AGPAT4: variants seen among roughly 807,000 people sequenced by gnomAD.
AGPAT4 encodes the protein 1-acylglycerol-3-phosphate O-acyltransferase 4, also known as 1-acyl-sn-glycerol-3-phosphate acyltransferase delta.
AGPAT4 carries 15 observed loss-of-function variants against 48.0 expected under a neutral mutation model. The observed-to-expected ratio is 0.31, with a 90% confidence interval of 0.21 to 0.48. AGPAT4 has a LOEUF of 0.48. Ranked by LOEUF, AGPAT4 falls within the 20% of genes least tolerant of loss-of-function variation. The pLI is 0.99. For missense variants in AGPAT4, 314 were observed against 482.5 expected, an observed-to-expected ratio of 0.65 and a Z score of 3.27; for synonymous variants, 178 against 198.7, an observed-to-expected ratio of 0.90 and a Z score of 0.88.
intron 2 of AGPAT4, among the ~76,000 whole-genome samples, chr6:161,181,276 G>A (rs561768153): frequency 1.6e-4 from 24 of 152,278 alleles, no homozygotes; most frequent in African/African-American, 5.5e-4. Flanking sequence ...ATTGCTGAGG[G>A]AGGCGGGCTG....
At chr6:161,237,221 T>A (rs1040177452) in intron 1 of AGPAT4, among the ~76,000 whole-genome samples, 5 of 152,198 alleles carry the variant, frequency 3.3e-5, no homozygotes, top group African/African-American at 1.2e-4. Flanking sequence ...TAATCCAAAT[T>A]ACCTTTATTT....
At position 161,195,351 on chromosome 6, in the gene AGPAT4, C is replaced by G. The variant is rs993830653; in HGVS notation, c.179-28934G>C. ...AAAGTAATTATTCAGAGAAGACAAG[C>G]ACTGCAGGACAACCATTGGGCGGGT... On this transcript the variant is annotated intron_variant, in intron 2 of 8. Transcript: ENST00000320285. The surrounding 1 kb of genome is among the most constrained non-coding windows in gnomAD (Gnocchi z 5.0). Among the ~76,000 whole-genome samples the G allele has an allele frequency of 3.3e-5, 5 of 152,182 alleles. No individual in the cohort carries two copies. The highest frequency in any genetic ancestry group is 6.5e-5 in the Admixed American group (1 of 15,272).
Position 161,220,862 on chromosome 6 carries a change from C to T in AGPAT4, c.178+11174G>A, listed in dbSNP as rs1781816262. ...GCAGTGGTGCAATCTCGGCTCACTG[C>T]AACTTCTGCCTCCCGGGTTCAAGCA... is the stretch of plus-strand genomic sequence containing the variant. On this transcript the variant is annotated intron_variant, in intron 2 of 8. Coordinates refer to ENST00000320285, the MANE Select transcript of AGPAT4 (RefSeq NM_020133.3). This position sits in a 1 kb window ranked among gnomAD's most constrained non-coding sequence, Gnocchi z 6.0. Among the ~76,000 whole-genome samples the T allele has an allele frequency of 6.6e-6, 1 of 152,282 alleles. No individual in the cohort carries two copies. Among genetic ancestry groups the T allele is most frequent in the East Asian group, 1.9e-4 (1 of 5,174 alleles).
chr6:161,228,574 C>T (rs1325945417), intron 2 of AGPAT4, among the ~76,000 whole-genome samples: 3 of 109,414 alleles, frequency 2.7e-5, no homozygotes, highest in Non-Finnish European at 5.4e-5. Context: ...CCACCCCCTG[C>T]CTTTTTTTTT....
chr6:161,253,732 CAA>C (rs1264884095), intron 1 of AGPAT4, among the ~76,000 whole-genome samples: 1 of 152,124 alleles, frequency 6.6e-6, no homozygotes, highest in African/African-American at 2.4e-5. Flanking sequence ...TATTCACAAA[CAA>C]TGTGCAATTT....
In AGPAT4 at chr6:161,234,399, C is replaced by T. The variant is rs936312377; in HGVS notation, c.-89-2097G>A. Reference sequence around the variant, plus strand: ...CTCCACTCTCTGGCACAAATCCAGGCCCTGCAGGGTCTGAATCATCACATC... The same window carrying T: ...CTCCACTCTCTGGCACAAATCCAGGTCCTGCAGGGTCTGAATCATCACATC... On this transcript the variant is annotated intron_variant, in intron 1 of 8. Transcript: ENST00000320285. This position sits in a 1 kb window ranked among gnomAD's most constrained non-coding sequence, Gnocchi z 4.4. Among the ~76,000 whole-genome samples the T allele has an allele frequency of 6.6e-6, 1 of 152,142 alleles. No homozygotes were observed. The highest frequency in any genetic ancestry group is 1.9e-4 in the East Asian group (1 of 5,188).
In AGPAT4 at chr6:161,155,188, G is replaced by C. The variant is rs1027119829; in HGVS notation, c.349-878C>G. Among the ~76,000 whole-genome samples the C allele has an allele frequency of 6.6e-6, 1 of 152,194 alleles. No homozygotes were observed. Among genetic ancestry groups the C allele is most frequent in the African/African-American group, 2.4e-5 (1 of 41,446 alleles). On this transcript the variant is annotated intron_variant, in intron 3 of 8. Transcript: ENST00000320285. This position sits in a 1 kb window ranked among gnomAD's most constrained non-coding sequence, Gnocchi z 5.8. ...TCGGTGTGGCCCTCCCCAGCCAGGC[G>C]TCCACTACATCAGTCCCCCTACACT...
Position 161,153,615 on chromosome 6 carries a change from A to G in AGPAT4, c.511-116T>C, listed in dbSNP as rs1779658135. 7.9e-6 allele frequency: 10 copies of G among 1,261,184 alleles called. No individual in the cohort carries two copies. In the Admixed American group the frequency reaches 1.5e-4, roughly 19 times the overall value. 78.1% of individuals were successfully genotyped at this position (1,261,184 alleles called of 1,614,324 possible). A position where few individuals can be genotyped will look rare whatever the true frequency, so the allele number is the denominator to read the frequency against. On this transcript the variant is annotated intron_variant, in intron 4 of 8. Transcript: ENST00000320285. The stretch of plus-strand genomic sequence containing the variant: ...GGGTCACATATGGCCACACGATCAC[A>G]CAGGGCCCCATGGTTACATACAGCC...
At chr6:161,248,341 G>A (rs991511161) in intron 1 of AGPAT4, among the ~76,000 whole-genome samples, 8 of 152,246 alleles carry the variant, frequency 5.3e-5, no homozygotes, top group East Asian at 1.9e-4. Flanking sequence ...TTGGGAGGCC[G>A]AGACGGGCGG....
intron 2 of AGPAT4, among the ~76,000 whole-genome samples, chr6:161,210,222 G>A (rs1781487028): frequency 6.6e-6 from 1 of 151,964 alleles, no homozygotes; most frequent in African/African-American, 2.4e-5. Flanking sequence ...ATTTGATTTG[G>A]CATCCATCTT....
At position 161,141,984 on chromosome 6, in the gene AGPAT4, TC is replaced by T. The variant is rs1415548442; in HGVS notation, c.844-2365del. Among the ~76,000 whole-genome samples the T allele has an allele frequency of 1.3e-5, 2 of 152,150 alleles. No homozygotes were observed. Among genetic ancestry groups the T allele is most frequent in the African/African-American group, 4.8e-5 (2 of 41,424 alleles). On this transcript the variant is annotated intron_variant, in intron 7 of 8. Transcript: ENST00000320285. The surrounding 1 kb of genome is among the most constrained non-coding windows in gnomAD (Gnocchi z 6.7). The stretch of plus-strand genomic sequence containing the variant: ...TTCAAGCAATTTTCCCACCTCAGCC[TC>T]CTGAGTACCTGGGATTACAGGCACC...
chr6:161,221,478 G>A lies in AGPAT4; in HGVS notation c.178+10558C>T, dbSNP rs1348159251. 6.6e-6 allele frequency among the ~76,000 whole-genome samples: 1 copy of A among 152,126 alleles called. No homozygotes were observed. The highest frequency in any genetic ancestry group is 1.9e-4 in the East Asian group (1 of 5,180). On this transcript the variant is annotated intron_variant, in intron 2 of 8. Transcript: ENST00000320285. This position sits in a 1 kb window ranked among gnomAD's most constrained non-coding sequence, Gnocchi z 4.5. ...GTAGGGGTGGGAGAGATAGAAAGGA[G>A]AAAAAGGGAGAGGAGAGAGAAATAG...
At position 161,219,857 on chromosome 6, in the gene AGPAT4, A is replaced by AGATG. The variant is rs1781763319; in HGVS notation, c.178+12178_178+12179insCATC. Reference sequence around the variant, plus strand: ...TAGATAGATAGATAGATAGATAGATAGATAGATAGATAGATAGGCAGGCAG... The same window carrying AGATG: ...TAGATAGATAGATAGATAGATAGATAGATGGATAGATAGATAGATAGGCAGGCAG... On this transcript the variant is annotated intron_variant, in intron 2 of 8. Coordinates refer to ENST00000320285, the MANE Select transcript of AGPAT4 (RefSeq NM_020133.3). The surrounding 1 kb of genome is among the most constrained non-coding windows in gnomAD (Gnocchi z 4.9). Among the ~76,000 whole-genome samples the AGATG allele has an allele frequency of 8.4e-6, 1 of 118,828 alleles. No individual in the cohort carries two copies. Among genetic ancestry groups the AGATG allele is most frequent in the South Asian group, 2.7e-4 (1 of 3,712 alleles). The allele number at this position is 118,828 out of a possible 152,430, so 78.0% of individuals were successfully genotyped here. A position where few individuals can be genotyped will look rare whatever the true frequency, so the allele number is the denominator to read the frequency against.
rs2114943537 is a variant in AGPAT4 at position 161,134,022 on chromosome 6, A to G, written c.*2518T>C. On this transcript the variant is annotated 3_prime_UTR_variant, in exon 9 of 9. Transcript: ENST00000320285. Reference sequence around the variant, plus strand: ...GCGTGATGAGCTTCCGTCCAGGAGTACCCGTGGTTGTCTGTGTCATTAAGG... The same window carrying G: ...GCGTGATGAGCTTCCGTCCAGGAGTGCCCGTGGTTGTCTGTGTCATTAAGG... The G allele has an allele frequency of 6.6e-6, 1 of 152,338 alleles. No individual in the cohort carries two copies. The highest frequency in any genetic ancestry group is 1.9e-4 in the East Asian group (1 of 5,186). 9.4% of individuals were successfully genotyped at this position (152,338 alleles called of 1,614,324 possible).
chr6:161,194,496 G>A (rs79564805), intron 2 of AGPAT4, among the ~76,000 whole-genome samples: 1 of 127,592 alleles, frequency 7.8e-6, no homozygotes, highest in East Asian at 1.9e-4. Flanking sequence ...GTGTGTATGT[G>A]TGTGTGTGCA....
rs1015186061 is a variant in AGPAT4 at position 161,274,013 on chromosome 6, C to T, written c.-165G>A. ...TGGAGCCGGCTGGGTTCAGAAATTG[C>T]CACTAGTTTATAAGAGCTGTAAGTC... On this transcript the variant is annotated 5_prime_UTR_variant, in exon 1 of 9. Transcript: ENST00000320285. The surrounding 1 kb of genome is among the most constrained non-coding windows in gnomAD (Gnocchi z 4.5). 9.9e-5 allele frequency: 15 copies of T among 151,660 alleles called. No individual in the cohort carries two copies. Among genetic ancestry groups the T allele is most frequent in the Non-Finnish European group, 2.2e-4 (15 of 68,010 alleles). The allele number at this position is 151,660 out of a possible 1,614,324, so 9.4% of individuals were successfully genotyped here. A position where few individuals can be genotyped will look rare whatever the true frequency, so the allele number is the denominator to read the frequency against.
At position 161,130,806 on chromosome 6, in the gene AGPAT4, G is replaced by GACTT. The variant is rs1778876811; in HGVS notation, c.*5730_*5733dup. On this transcript the variant is annotated 3_prime_UTR_variant, in exon 9 of 9. Coordinates refer to ENST00000320285, the MANE Select transcript of AGPAT4 (RefSeq NM_020133.3). ...CCGGAAGCTGGCTCTGCAGCGTTGTGACTTAGACACTTTACAAGTCTGAGC... is the reference window on the plus strand; with the variant it reads ...CCGGAAGCTGGCTCTGCAGCGTTGTGACTTACTTAGACACTTTACAAGTCTGAGC... 7.7e-6 allele frequency: 4 copies of GACTT among 517,420 alleles called. No homozygotes were observed. In the East Asian group the frequency reaches 1.6e-4, roughly 21 times the overall value. 32.1% of individuals were successfully genotyped at this position (517,420 alleles called of 1,614,324 possible).
rs898931698 is a variant in AGPAT4 at position 161,250,822 on chromosome 6, T to C, written c.-89-18520A>G. Reference sequence around the variant, plus strand: ...ATTTAAAAACAATGAAAAGCAAAATTAAATCTTTATACAGTCTTACATTAA... The same window carrying C: ...ATTTAAAAACAATGAAAAGCAAAATCAAATCTTTATACAGTCTTACATTAA... On this transcript the variant is annotated intron_variant, in intron 1 of 8. Coordinates refer to ENST00000320285, the MANE Select transcript of AGPAT4 (RefSeq NM_020133.3). 5.9e-5 allele frequency among the ~76,000 whole-genome samples: 9 copies of C among 152,316 alleles called. No individual in the cohort carries two copies. The South Asian group carries it at 8.3e-4, about 14-fold the overall frequency.
At chr6:161,183,638 TGAGGGGAGGAGAGGGGAGGGGAGGA>T (rs1780666103) in intron 2 of AGPAT4, among the ~76,000 whole-genome samples, 4 of 37,826 alleles carry the variant, frequency 1.1e-4, no homozygotes, top group Non-Finnish European at 4.9e-5. Context: ...GGAGGGGAGG[TGAGGGGAGGAGAGGGGAGGGGAGGA>T]GAGGGGAGGG....
Sources: gnomAD v4.1 joint callset for allele counts (sites outside exome capture counted in the v4.1 genomes callset) on GRCh38, gnomAD v4.1.1 for gene constraint, Gnocchi (gnomAD v3.1) non-coding constraint, MANE v1.5 for transcripts, NCBI Gene and HGNC (gene_info 2026-07-23, HGNC 2026-07-21) for gene names.